Variants in MYO3A observed in about 807,000 individuals in gnomAD.
The protein encoded by MYO3A is myosin-IIIa.
A neutral mutation model predicts 192.7 loss-of-function variants in MYO3A; 180 were observed. That is an observed-to-expected ratio of 0.93 (90% CI 0.83 to 1.06). MYO3A has a LOEUF of 1.06. Ranked by LOEUF, MYO3A falls within the 50% of genes least tolerant of loss-of-function variation. The probability of loss-of-function intolerance (pLI) is 0.00; values close to 1 mark genes in which losing one functional copy is unlikely to be tolerated. For synonymous variants in MYO3A, 628 were observed against 645.3 expected, an observed-to-expected ratio of 0.97 and a Z score of 0.41; for missense variants, 1,896 against 1,905.0, an observed-to-expected ratio of 1.00 and a Z score of 0.09.
intron 10 of MYO3A, among the ~76,000 whole-genome samples, chr10:26,065,576 C>A: frequency 9.9e-6 from 1 of 101,372 alleles, no homozygotes; most frequent in East Asian, 3.0e-4. Flanking sequence ...CAGAGCGAGA[C>A]TCCATCTCCA....
intron 11 of MYO3A, 105 bp from the exon 12 acceptor site, chr10:26,068,663 C>A: frequency 1.4e-6 from 1 of 727,820 alleles, no homozygotes; most frequent in Non-Finnish European, 2.3e-6. Context: ...TTTTTCTAAT[C>A]CTTCGTCCAG....
At chr10:26,197,054 G>A (rs1412754442) in intron 32 of MYO3A, among the ~76,000 whole-genome samples, 1 of 152,192 alleles carries the variant, frequency 6.6e-6, no homozygotes, top group Non-Finnish European at 1.5e-5. Context: ...AACACCAGGG[G>A]TTTGGTTGAG....
At chr10:26,202,809 G>A in intron 33 of MYO3A, 155 bp from the exon 34 acceptor site, 1 of 813,724 alleles carries the variant, frequency 1.2e-6, no homozygotes, top group Non-Finnish European at 1.9e-6. Flanking sequence ...GGGATACACT[G>A]TTTTTCCCAC....
intron 27 of MYO3A, among the ~76,000 whole-genome samples, chr10:26,167,015 G>A (rs1841790439): frequency 6.6e-6 from 1 of 152,144 alleles, no homozygotes; most frequent in African/African-American, 2.4e-5. Flanking sequence ...ACGAGACAGG[G>A]ATCAGGAAAT....
intron 7 of MYO3A, 105 bp downstream of exon 7, chr10:26,017,001 A>T (rs1588785265): frequency 8.3e-7 from 1 of 1,206,026 alleles, no homozygotes; most frequent in South Asian, 1.2e-5. Context: ...TAACAGAAGA[A>T]ACTCTCAGTT....
chr10:26,153,688 A>T (rs1361374501), intron 23 of MYO3A, among the ~76,000 whole-genome samples, 162 bp from the exon 24 acceptor site: 1 of 152,066 alleles, frequency 6.6e-6, no homozygotes, highest in Admixed American at 6.6e-5. Flanking sequence ...TTTTTACATA[A>T]TTTTTTTTAT....
Position 26,147,426 on chromosome 10 carries a change from A to G in MYO3A, c.2506-4A>G. On this transcript the variant is annotated splice_region_variant and splice_polypyrimidine_tract_variant and intron_variant, in intron 22 of 34. Coordinates refer to ENST00000642920, the MANE Select transcript of MYO3A (RefSeq NM_017433.5). Reference sequence around the variant, plus strand: ...GTGATAATTATAGCATACTGTATCAACAGGTCCTCTATAATGCAAGTGGAT... The same window carrying G: ...GTGATAATTATAGCATACTGTATCAGCAGGTCCTCTATAATGCAAGTGGAT... The G allele has an allele frequency of 6.2e-7, 1 of 1,610,914 alleles. No individual in the cohort carries two copies. Among genetic ancestry groups the G allele is most frequent in the Non-Finnish European group, 8.5e-7 (1 of 1,177,184 alleles).
chr10:26,005,160 T>G (rs192008718), intron 6 of MYO3A, among the ~76,000 whole-genome samples: 87 of 152,136 alleles, frequency 5.7e-4, no homozygotes, highest in African/African-American at 2.0e-3. Flanking sequence ...TAACTAGTAA[T>G]GAGATGAATG....
chr10:26,145,821 T>C (rs1840430610), intron 22 of MYO3A, among the ~76,000 whole-genome samples: 1 of 152,130 alleles, frequency 6.6e-6, no homozygotes, highest in East Asian at 1.9e-4. Context: ...AATCATAAGT[T>C]TATAGTTTTT....
At chr10:26,164,601 T>G (rs1841640929) in intron 26 of MYO3A, among the ~76,000 whole-genome samples, 1 of 152,108 alleles carries the variant, frequency 6.6e-6, no homozygotes, top group Non-Finnish European at 1.5e-5. Flanking sequence ...TGGACACTGG[T>G]CAGGATCCAG....
At chr10:26,100,045 C>A (rs1837334189) in intron 17 of MYO3A, among the ~76,000 whole-genome samples, 1 of 152,112 alleles carries the variant, frequency 6.6e-6, no homozygotes, top group Admixed American at 6.5e-5. Flanking sequence ...TGGTCCTGGA[C>A]TTTTTTTGAT....
At chr10:26,176,552 C>A in intron 30 of MYO3A, 149 bp from the exon 31 acceptor site, 1 of 689,468 alleles carries the variant, frequency 1.5e-6, no homozygotes, top group Non-Finnish European at 2.5e-6. Flanking sequence ...AGAACTTTAT[C>A]AGACCTTGGT....
chr10:25,979,749 A>G (rs551518448), intron 4 of MYO3A, among the ~76,000 whole-genome samples: 13 of 152,178 alleles, frequency 8.5e-5, no homozygotes, highest in East Asian at 3.9e-4. Context: ...GGCTTTTTCA[A>G]CCTTGGCACT....
intron 34 of MYO3A, among the ~76,000 whole-genome samples, chr10:26,209,518 C>T (rs1340874648): frequency 6.6e-6 from 1 of 152,182 alleles, no homozygotes; most frequent in African/African-American, 2.4e-5. Flanking sequence ...GGTCAGGTTT[C>T]CTCTCCCAGC....
chr10:26,046,287 G>C (rs1313521973), intron 10 of MYO3A, among the ~76,000 whole-genome samples: 1 of 152,148 alleles, frequency 6.6e-6, no homozygotes. Context: ...AAATGGGTTG[G>C]AGGACACCTA....
At chr10:26,081,140 C>T (rs904298733) in intron 14 of MYO3A, among the ~76,000 whole-genome samples, 3 of 101,894 alleles carry the variant, frequency 2.9e-5, no homozygotes, top group Non-Finnish European at 7.4e-5. Context: ...CCTTCCCCCC[C>T]CCCCCGCCCC....
chr10:25,962,683 A>G (rs1340036849), intron 4 of MYO3A, among the ~76,000 whole-genome samples: 3 of 152,122 alleles, frequency 2.0e-5, no homozygotes, highest in Admixed American at 2.0e-4. Context: ...TACCCCTGAT[A>G]TCTACTGTTG....
At chr10:25,937,216 A>C (rs1224772133) in intron 2 of MYO3A, among the ~76,000 whole-genome samples, 1 of 152,230 alleles carries the variant, frequency 6.6e-6, no homozygotes, top group Non-Finnish European at 1.5e-5. Flanking sequence ...AGCCAGGATG[A>C]GTTGCCCACT....
At chr10:26,155,053 C>T (rs548066169) in intron 25 of MYO3A, among the ~76,000 whole-genome samples, 1 of 152,018 alleles carries the variant, frequency 6.6e-6, no homozygotes, top group African/African-American at 2.4e-5. Context: ...AAGTCTATAC[C>T]TTGATTAAAA....
Sources: allele counts gnomAD v4.1 joint callset (sites outside exome capture counted in the v4.1 genomes callset), GRCh38; gene constraint gnomAD v4.1.1; transcripts MANE v1.5; gene names NCBI Gene and HGNC (gene_info 2026-07-23, HGNC 2026-07-21).